The following ABCA13 variants were observed in gnomAD, a reference collection of about 807,000 sequenced individuals.
The protein encoded by ABCA13 is ATP-binding cassette sub-family A member 13.
In ABCA13, 476 loss-of-function variants were observed where a neutral mutation model predicts 478.7. That is an observed-to-expected ratio of 0.99 (90% CI 0.92 to 1.07). The LOEUF (loss-of-function observed/expected upper bound fraction) is 1.07, where lower values mean the gene tolerates loss of function less well. ABCA13 is among the 50% of genes least tolerant of loss of function. The pLI, the probability that ABCA13 is intolerant of heterozygous loss-of-function variation, is 0.00. For synonymous variants in ABCA13, 2,252 were observed against 2,158.9 expected (o/e 1.04, Z -1.20); for missense variants, 6,060 against 5,910.6 (o/e 1.03, Z -0.83).
chr7:48,341,816 T>C (rs1807214149), intron 29 of ABCA13, among the ~76,000 whole-genome samples: 1 of 99,362 alleles, frequency 1.0e-5, no homozygotes, highest in Non-Finnish European at 2.3e-5. Flanking sequence ...TTTTCTGATA[T>C]ATATATATAT....
At chr7:48,253,033 C>T (rs538294151) in intron 15 of ABCA13, among the ~76,000 whole-genome samples, 1 of 152,286 alleles carries the variant, frequency 6.6e-6, no homozygotes, top group South Asian at 2.1e-4. Context: ...ATTCCCTAAG[C>T]CTAAGTGTGT....
At chr7:48,419,106 C>T (rs73101571) in intron 41 of ABCA13, among the ~76,000 whole-genome samples, 57,903 of 151,862 alleles carry the variant, frequency 0.38, 11,694 homozygotes, top group African/African-American at 0.51. Flanking sequence ...CTCACTCACT[C>T]GCTATACACT....
intron 5 of ABCA13, among the ~76,000 whole-genome samples, chr7:48,221,864 C>G (rs1004611225): frequency 6.6e-6 from 1 of 152,104 alleles, no homozygotes; most frequent in Non-Finnish European, 1.5e-5. Context: ...ATCATCTGAC[C>G]CAGAACATCA....
intron 57 of ABCA13, 73 bp downstream of exon 57, chr7:48,587,361 T>A: frequency 1.4e-6 from 2 of 1,443,720 alleles, no homozygotes; most frequent in Non-Finnish European, 1.8e-6. Context: ...ATTTTAAGGG[T>A]TTTTCTGGGA....
At chr7:48,311,658 C>A (rs1220669703) in intron 24 of ABCA13, among the ~76,000 whole-genome samples, 1 of 152,118 alleles carries the variant, frequency 6.6e-6, no homozygotes, top group Non-Finnish European at 1.5e-5. Context: ...CTCCCAGACA[C>A]AATGAAAATG....
intron 27 of ABCA13, 119 bp downstream of exon 27, chr7:48,317,415 G>C: frequency 8.8e-7 from 1 of 1,132,752 alleles, no homozygotes; most frequent in Non-Finnish European, 1.2e-6. Flanking sequence ...CTCTTGTTTT[G>C]AATCTACTTC....
At chr7:48,582,362 G>A (rs538237118) in intron 56 of ABCA13, among the ~76,000 whole-genome samples, 1 of 152,268 alleles carries the variant, frequency 6.6e-6, no homozygotes, top group South Asian at 2.1e-4. Flanking sequence ...GAAACTGTGT[G>A]GGGTTAGTGC....
Position 48,455,304 on chromosome 7 carries a change from C to T in ABCA13, c.12815+18C>T. On this transcript the variant is annotated intron_variant, in intron 43 of 61. Transcript: ENST00000435803. The stretch of plus-strand genomic sequence containing the variant: ...TTTTTCAGGTAAGTTGTTTTTGTTC[C>T]TTTGATTTCGAAATTATGTCGAGGC... 1.3e-6 allele frequency: 2 copies of T among 1,582,528 alleles called. No homozygotes were observed. The highest frequency in any genetic ancestry group is 2.3e-5 in the East Asian group (1 of 43,848).
intron 27 of ABCA13, among the ~76,000 whole-genome samples, chr7:48,333,439 C>T (rs1487333858): frequency 6.6e-6 from 1 of 152,162 alleles, no homozygotes; most frequent in Non-Finnish European, 1.5e-5. Flanking sequence ...TGATGTGTCT[C>T]AATATTGGCA....
At chr7:48,437,127 C>A (rs1213341753) in intron 42 of ABCA13, among the ~76,000 whole-genome samples, 1 of 151,884 alleles carries the variant, frequency 6.6e-6, no homozygotes, top group Non-Finnish European at 1.5e-5. Context: ...ATTGAGGTTT[C>A]CTACTATTAC....
In ABCA13 at chr7:48,615,359, C is replaced by T. The variant is rs747970047; in HGVS notation, c.14819C>T (p.Pro4940Leu). ...GGCAGCTTCAAATGTCTTGGTTCTC[C>T]TCAGCACATCAAAAATAGGTGCGTT... is the stretch of plus-strand genomic sequence containing the variant. ...VNGSFKCLGS[P>L]QHIKNRFGDG... The change falls in exon 59 of 62, where the codon CCT (proline) becomes CTT (leucine). Residue 4940 changes from proline (P) to leucine (L), a missense_variant. Around this residue, in one of 3 missense-constraint regions of ABCA13, gnomAD observed 1,627 missense variants for 1,571.0 expected, o/e 1.04. Transcript: ENST00000435803. 6.4e-6 allele frequency: 10 copies of T among 1,569,524 alleles called. No homozygotes were observed. The highest frequency in any genetic ancestry group is 1.2e-5 in the South Asian group (1 of 84,950).
chr7:48,313,255 A>G, intron 25 of ABCA13, 24 bp downstream of exon 25: 2 of 1,585,510 alleles, frequency 1.3e-6, no homozygotes, highest in Non-Finnish European at 1.7e-6. Context: ...CTTTGTCCCT[A>G]GGGAAATATT....
In ABCA13 at chr7:48,193,918, A is replaced by G. The variant is rs372775879; in HGVS notation, c.163+866A>G. ...GATGAGGGAGATGATGATAGTGATGATGCTGACAATAATGTAGATAATAGT... is the reference window on the plus strand; with the variant it reads ...GATGAGGGAGATGATGATAGTGATGGTGCTGACAATAATGTAGATAATAGT... On this transcript the variant is annotated intron_variant, in intron 2 of 61. Transcript: ENST00000435803. 2.8e-5 allele frequency among the ~76,000 whole-genome samples: 3 copies of G among 106,280 alleles called. No individual in the cohort carries two copies. The East Asian group carries it at 1.0e-3, about 36-fold the overall frequency. 69.7% of individuals were successfully genotyped at this position (106,280 alleles called of 152,430 possible). A position where few individuals can be genotyped will look rare whatever the true frequency, so the allele number is the denominator to read the frequency against.
In ABCA13 at chr7:48,352,504, A is replaced by G. The variant is rs1333336462; in HGVS notation, c.10688+17A>G. ...CAGCGACCTGTGAGTAGCCTGGGGCAGGAGCCACCGACAGTGAGAAGGGCC... is the reference window on the plus strand; with the variant it reads ...CAGCGACCTGTGAGTAGCCTGGGGCGGGAGCCACCGACAGTGAGAAGGGCC... On this transcript the variant is annotated intron_variant, in intron 31 of 61. Transcript: ENST00000435803. The G allele has an allele frequency of 1.3e-6, 2 of 1,573,594 alleles. No homozygotes were observed. The highest frequency in any genetic ancestry group is 1.7e-6 in the Non-Finnish European group (2 of 1,157,476).
At chr7:48,292,955 T>A (rs949754352) in intron 20 of ABCA13, among the ~76,000 whole-genome samples, 1 of 152,166 alleles carries the variant, frequency 6.6e-6, no homozygotes, top group Non-Finnish European at 1.5e-5. Flanking sequence ...GAATGAACAG[T>A]CCTATAGGAT....
intron 55 of ABCA13, among the ~76,000 whole-genome samples, chr7:48,557,416 C>A (rs971087306): frequency 2.6e-5 from 4 of 152,028 alleles, no homozygotes; most frequent in Admixed American, 2.0e-4. Context: ...TTTTCTTTGA[C>A]TGGGAAAGTC....
chr7:48,279,060 C>T lies in ABCA13; in HGVS notation c.7866C>T (p.Leu2622=). ...SDIFSMSPSI[L]SYMNQSKDFS... Reference sequence around the variant, plus strand: ...TTTTCAGTATGTCACCTAGCATACTCTCATATATGAACCAATCTAAGGACT... The same window carrying T: ...TTTTCAGTATGTCACCTAGCATACTTTCATATATGAACCAATCTAAGGACT... The change falls in exon 18 of 62, where the codon CTC becomes CTT. Residue 2622 remains leucine, a synonymous_variant. Transcript: ENST00000435803. 6.2e-7 allele frequency: 1 copy of T among 1,612,966 alleles called. No individual in the cohort carries two copies. Among genetic ancestry groups the T allele is most frequent in the African/African-American group, 1.3e-5 (1 of 75,030 alleles).
intron 59 of ABCA13, among the ~76,000 whole-genome samples, chr7:48,630,265 A>ATGCAAAT (rs2131633114): frequency 6.6e-6 from 1 of 152,210 alleles, no homozygotes; most frequent in African/African-American, 2.4e-5. Flanking sequence ...CACCCAGGCA[A>ATGCAAAT]TGCAAATAGC....
At chr7:48,582,912 G>A (rs1788839479) in intron 56 of ABCA13, among the ~76,000 whole-genome samples, 1 of 152,142 alleles carries the variant, frequency 6.6e-6, no homozygotes, top group South Asian at 2.1e-4. Flanking sequence ...TGTAAAGCAT[G>A]TTATATTAAG....
Sources: gnomAD v4.1 joint callset for allele counts (sites outside exome capture counted in the v4.1 genomes callset) on GRCh38, gnomAD v4.1.1 for gene constraint, gnomAD v4.1.1 regional missense constraint, MANE v1.5 for transcripts, NCBI Gene and HGNC (gene_info 2026-07-23, HGNC 2026-07-21) for gene names.